The following IQCM variants were observed in gnomAD, a reference collection of about 807,000 sequenced individuals.
The protein encoded by IQCM is IQ motif containing M.
In IQCM, 45 loss-of-function variants were observed where a neutral mutation model predicts 57.6. The observed-to-expected ratio is 0.78, with a 90% CI of 0.62 to 1.00. The LOEUF is 1.00. IQCM is among the 50% of genes least tolerant of loss of function. IQCM has a pLI of 0.00. For missense variants in IQCM, 468 were observed against 511.6 expected (o/e 0.91, Z 0.82); for synonymous variants, 148 against 158.9 (o/e 0.93, Z 0.51).
chr4:149,465,171 T>G (rs1738718712), intron 12 of IQCM, among the ~76,000 whole-genome samples: 1 of 152,178 alleles, frequency 6.6e-6, no homozygotes, highest in African/African-American at 2.4e-5. Context: ...TTTTTTACAT[T>G]ATTGAATATA....
intron 12 of IQCM, among the ~76,000 whole-genome samples, chr4:149,523,383 A>G (rs1745852061): frequency 6.6e-6 from 1 of 152,214 alleles, no homozygotes; most frequent in African/African-American, 2.4e-5. Context: ...GTTAAAAGAC[A>G]GTTGAAAAAA....
chr4:149,665,440 G>T (rs1204443765), intron 7 of IQCM, among the ~76,000 whole-genome samples: 1 of 152,126 alleles, frequency 6.6e-6, no homozygotes, highest in African/African-American at 2.4e-5. Flanking sequence ...TGTATCAGAG[G>T]CAGGGTGACT....
chr4:149,802,884 G>T (rs1773730569), intron 2 of IQCM, among the ~76,000 whole-genome samples: 1 of 151,952 alleles, frequency 6.6e-6, no homozygotes, highest in Non-Finnish European at 1.5e-5. Flanking sequence ...TCGGAAAAAT[G>T]CTGCTCTACA....
intron 9 of IQCM, among the ~76,000 whole-genome samples, chr4:149,581,616 G>T (rs541941834): frequency 1.3e-5 from 2 of 151,706 alleles, no homozygotes; most frequent in African/African-American, 4.8e-5. Context: ...TATTGCCCTT[G>T]GGAAGTTGAC....
At chr4:149,369,403 A>T (rs1414104378) in intron 13 of IQCM, among the ~76,000 whole-genome samples, 1 of 152,030 alleles carries the variant, frequency 6.6e-6, no homozygotes, top group African/African-American at 2.4e-5. Context: ...AATATATGAG[A>T]TTAACATAAG....
chr4:149,603,387 T>A (rs1754487451), intron 8 of IQCM, among the ~76,000 whole-genome samples: 1 of 152,162 alleles, frequency 6.6e-6, no homozygotes, highest in East Asian at 1.9e-4. Context: ...TCAACTGTCT[T>A]AAAATAATCT....
In IQCM at chr4:149,804,935, G is replaced by T. The variant is rs529283133; in HGVS notation, c.-49+10376C>A. Reference sequence around the variant, plus strand: ...CATTTACTAGTAAAATGAAGTGCACGAAGTAGGATGCAACCTGCTGGGAAC... The same window carrying T: ...CATTTACTAGTAAAATGAAGTGCACTAAGTAGGATGCAACCTGCTGGGAAC... On this transcript the variant is annotated intron_variant, in intron 2 of 13. Transcript: ENST00000636793. Among the ~76,000 whole-genome samples, 5 of 152,144 alleles carry T rather than the reference G, an allele frequency of 3.3e-5. No individual in the cohort carries two copies. The South Asian group carries it at 1.0e-3, about 32-fold the overall frequency.
At chr4:149,421,172 A>G (rs1734095336) in intron 13 of IQCM, among the ~76,000 whole-genome samples, 1 of 152,132 alleles carries the variant, frequency 6.6e-6, no homozygotes, top group Admixed American at 6.6e-5. Context: ...TTTTGTCTCT[A>G]CATTGCTACA....
chr4:149,550,865 TTTAAA>T (rs1748961805), intron 11 of IQCM, among the ~76,000 whole-genome samples: 1 of 152,218 alleles, frequency 6.6e-6, no homozygotes, highest in African/African-American at 2.4e-5. Context: ...TTGGTAATTC[TTTAAA>T]TTATTCATTT....
chr4:149,720,045 C>T (rs1184483623), intron 5 of IQCM, among the ~76,000 whole-genome samples: 1 of 152,198 alleles, frequency 6.6e-6, no homozygotes, highest in Non-Finnish European at 1.5e-5. Flanking sequence ...CCACATAAAG[C>T]TGACAGAATG....
chr4:149,461,288 TAA>T (rs967943035), intron 12 of IQCM, among the ~76,000 whole-genome samples: 9 of 149,956 alleles, frequency 6.0e-5, no homozygotes, highest in African/African-American at 2.0e-4. Context: ...TCCAAACAGC[TAA>T]AGAGTCACAA....
At chr4:149,396,006 A>G (rs1056992126) in intron 13 of IQCM, among the ~76,000 whole-genome samples, 4 of 152,040 alleles carry the variant, frequency 2.6e-5, no homozygotes, top group Non-Finnish European at 5.9e-5. Flanking sequence ...GCAATTAGCA[A>G]AAAATGACAA....
intron 7 of IQCM, among the ~76,000 whole-genome samples, chr4:149,631,967 GT>G (rs1230036857): frequency 6.6e-6 from 1 of 152,164 alleles, no homozygotes; most frequent in Non-Finnish European, 1.5e-5. Context: ...ACTCTACCCA[GT>G]TTGGTTTCTA....
intron 8 of IQCM, among the ~76,000 whole-genome samples, chr4:149,610,142 T>C (rs1755151749): frequency 6.6e-6 from 1 of 151,392 alleles, no homozygotes; most frequent in African/African-American, 2.4e-5. Flanking sequence ...TAGCCACAAA[T>C]AAAAACACCT....
intron 3 of IQCM, among the ~76,000 whole-genome samples, chr4:149,735,859 T>C (rs1766887898): frequency 6.6e-6 from 1 of 152,028 alleles, no homozygotes; most frequent in East Asian, 1.9e-4. Flanking sequence ...TAAAATAAAA[T>C]ACCTCAATAA....
At chr4:149,546,790 A>G (rs1748484127) in intron 12 of IQCM, among the ~76,000 whole-genome samples, 1 of 152,042 alleles carries the variant, frequency 6.6e-6, no homozygotes, top group African/African-American at 2.4e-5. Context: ...CTCTGATGGT[A>G]GTTTCTTTTG....
intron 7 of IQCM, among the ~76,000 whole-genome samples, chr4:149,673,230 T>TTATG (rs1437006391): frequency 6.6e-6 from 1 of 151,992 alleles, no homozygotes; most frequent in Non-Finnish European, 1.5e-5. Flanking sequence ...ATGAGCAAAA[T>TTATG]AACCAGCTAA....
intron 5 of IQCM, among the ~76,000 whole-genome samples, chr4:149,732,970 T>C (rs982880031): frequency 2.0e-5 from 3 of 152,174 alleles, no homozygotes; most frequent in Non-Finnish European, 4.4e-5. Context: ...AAACAGTCTC[T>C]GAGGATTTTC....
chr4:149,377,383 T>G (rs1311847578), intron 13 of IQCM, among the ~76,000 whole-genome samples: 1 of 152,128 alleles, frequency 6.6e-6, no homozygotes, highest in African/African-American at 2.4e-5. Context: ...ATCTTTCCAG[T>G]CTCATCTGGA....
Sources: gnomAD v4.1 joint callset for allele counts (sites outside exome capture counted in the v4.1 genomes callset) on GRCh38, gnomAD v4.1.1 for gene constraint, MANE v1.5 for transcripts, NCBI Gene and HGNC (gene_info 2026-07-23, HGNC 2026-07-21) for gene names.